The following CCNY variants were observed in gnomAD, a reference collection of about 807,000 sequenced individuals.
CCNY encodes the protein cyclin-Y.
Under a neutral mutation model 42.8 loss-of-function variants are expected in CCNY, and 19 were observed. The observed-to-expected ratio is 0.44, with a 90% CI of 0.31 to 0.65. CCNY has a LOEUF of 0.65. Among genes scored for constraint, CCNY ranks in the 30% least tolerant of loss-of-function variants. CCNY has a pLI of 0.07. For missense variants in CCNY, 370 were observed against 437.3 expected (o/e 0.85, Z 1.37); for synonymous variants, 165 against 162.7 (o/e 1.01, Z -0.11).
At chr10:35,434,906 A>C (rs983614190) in intron 1 of CCNY, among the ~76,000 whole-genome samples, 2 of 151,986 alleles carry the variant, frequency 1.3e-5, no homozygotes, top group African/African-American at 4.8e-5. Flanking sequence ...CTTTCTTTCT[A>C]CTTAATGTAT....
chr10:35,473,370 C>T (rs1359127689), intron 1 of CCNY, among the ~76,000 whole-genome samples: 1 of 152,114 alleles, frequency 6.6e-6, no homozygotes, highest in East Asian at 1.9e-4. Flanking sequence ...ACAATGACAC[C>T]CAGTAGAGTA....
intron 4 of CCNY, among the ~76,000 whole-genome samples, chr10:35,524,241 T>C (rs16936106): frequency 0.013 from 1,993 of 152,302 alleles, 32 homozygotes; most frequent in East Asian, 0.056. Context: ...TTTGAAAACC[T>C]TACTATTTTT....
intron 3 of CCNY, chr10:35,289,383 C>G (rs1288729971): frequency 6.6e-5 from 10 of 152,064 alleles, no homozygotes; most frequent in Non-Finnish European, 1.2e-4. Context: ...CTTCTTCTTA[C>G]TTTATTGCAT....
chr10:35,527,387 A>G (rs952213665), intron 5 of CCNY, among the ~76,000 whole-genome samples: 1 of 152,224 alleles, frequency 6.6e-6, no homozygotes, highest in African/African-American at 2.4e-5. Flanking sequence ...ATTTCTCAGT[A>G]CTTACTTAGA....
intron 7 of CCNY, among the ~76,000 whole-genome samples, chr10:35,551,945 G>A (rs1206560019): frequency 1.3e-5 from 2 of 152,140 alleles, no homozygotes; most frequent in Non-Finnish European, 1.5e-5. Flanking sequence ...TGGTGCATAC[G>A]GTGGAAAATG....
chr10:35,531,347 C>T (rs774406994), intron 7 of CCNY, among the ~76,000 whole-genome samples: 4 of 152,228 alleles, frequency 2.6e-5, no homozygotes, highest in Admixed American at 1.3e-4. Flanking sequence ...CTGTGTGCTC[C>T]GAGGCTAACT....
intron 8 of CCNY, 38 bp downstream of exon 8, chr10:35,553,223 T>C (rs1001303562): frequency 1.9e-6 from 3 of 1,602,424 alleles, no homozygotes; most frequent in Middle Eastern, 1.7e-4. Flanking sequence ...CATCAGAGTC[T>C]TGGCCAGACC....
chr10:35,515,271 G>C, intron 3 of CCNY, among the ~76,000 whole-genome samples: 1 of 152,194 alleles, frequency 6.6e-6, no homozygotes, highest in Non-Finnish European at 1.5e-5. Flanking sequence ...AGGGCTCCGA[G>C]GGTCAGGATG....
At chr10:35,449,666 G>A (rs1388287178) in intron 1 of CCNY, 9 of 701,484 alleles carry the variant, frequency 1.3e-5, no homozygotes, top group Non-Finnish European at 1.4e-5. Flanking sequence ...ATCCATTGCC[G>A]AGTAGGGGGG....
In CCNY at chr10:35,521,324, C is replaced by T. The variant is rs183988478; in HGVS notation, c.366-4640C>T. ...GCCTCTGAAGTTGGGCACTCCGGGT[C>T]CCCCAGGTCCCCTGAGTTCTTTCTG... On this transcript the variant is annotated intron_variant, in intron 4 of 9. Coordinates refer to ENST00000374704, the MANE Select transcript of CCNY (RefSeq NM_145012.6). 3.3e-3 allele frequency among the ~76,000 whole-genome samples: 500 copies of T among 152,272 alleles called. 2 individuals carry two copies. Among genetic ancestry groups the T allele is most frequent in the Admixed American group, 4.6e-3 (71 of 15,298 alleles).
intron 3 of CCNY, among the ~76,000 whole-genome samples, chr10:35,329,679 G>C (rs1317829025): frequency 6.6e-6 from 1 of 152,176 alleles, no homozygotes; most frequent in African/African-American, 2.4e-5. Flanking sequence ...ACATGCAGAG[G>C]TGGGGAGGAA....
At chr10:35,456,774 C>T in intron 1 of CCNY, among the ~76,000 whole-genome samples, 1 of 151,874 alleles carries the variant, frequency 6.6e-6, no homozygotes, top group East Asian at 1.9e-4. Flanking sequence ...TTTTTTTTCC[C>T]TTAAAATATA....
intron 3 of CCNY, among the ~76,000 whole-genome samples, chr10:35,314,223 C>T (rs540192266): frequency 9.9e-5 from 15 of 152,130 alleles, no homozygotes; most frequent in Admixed American, 5.9e-4. Flanking sequence ...AAGACATACT[C>T]GAGACTGGGT....
intron 5 of CCNY, among the ~76,000 whole-genome samples, chr10:35,526,352 G>T (rs1323894329): frequency 6.6e-6 from 1 of 152,112 alleles, no homozygotes; most frequent in Non-Finnish European, 1.5e-5. Context: ...AGGAAAAAAT[G>T]TTTAATTTAT....
intron 4 of CCNY, 36 bp downstream of exon 4, chr10:35,516,659 TC>T (rs754042211): frequency 2.6e-5 from 21 of 816,344 alleles, no homozygotes; most frequent in South Asian, 5.8e-5. Context: ...CTTCCTTCCT[TC>T]CTTTTTTTTT....
intron 1 of CCNY, among the ~76,000 whole-genome samples, chr10:35,370,154 G>GT (rs1227067609): frequency 0.025 from 3,528 of 143,222 alleles, 50 homozygotes; most frequent in Middle Eastern, 0.048. Flanking sequence ...ACATATCCAT[G>GT]TTTTTTTTTT....
intron 1 of CCNY, among the ~76,000 whole-genome samples, chr10:35,414,667 C>G (rs1234794320): frequency 1.3e-5 from 2 of 152,194 alleles, no homozygotes; most frequent in South Asian, 4.1e-4. Context: ...CGTGATACAT[C>G]TTGTAATCGT....
intron 3 of CCNY, among the ~76,000 whole-genome samples, chr10:35,507,830 C>T (rs143319581): frequency 1.0e-3 from 151 of 150,056 alleles, no homozygotes; most frequent in Non-Finnish European, 1.8e-3. Flanking sequence ...TAATGTTTCT[C>T]ATTTTGGATT....
intron 3 of CCNY, among the ~76,000 whole-genome samples, chr10:35,325,661 G>C (rs1047798668): frequency 1.3e-5 from 2 of 151,654 alleles, no homozygotes; most frequent in Non-Finnish European, 2.9e-5. Flanking sequence ...TAGAGACAGA[G>C]TTTCTCCATG....
Sources: gnomAD v4.1 joint callset for allele counts (sites outside exome capture counted in the v4.1 genomes callset) on GRCh38, gnomAD v4.1.1 for gene constraint, MANE v1.5 for transcripts, NCBI Gene and HGNC (gene_info 2026-07-23, HGNC 2026-07-21) for gene names.